The following UNC79 variants were observed in gnomAD, a reference collection of about 807,000 sequenced individuals.
UNC79 encodes the protein protein unc-79 homolog.
Under a neutral mutation model 283.1 loss-of-function variants are expected in UNC79, and 37 were observed. The observed-to-expected ratio is 0.13, with a 90% CI of 0.10 to 0.17. The LOEUF is 0.17. UNC79 is among the 10% of genes least tolerant of loss of function. The pLI is 1.00. For synonymous variants in UNC79, 1,107 were observed against 1,200.2 expected, an observed-to-expected ratio of 0.92 and a Z score of 1.61; for missense variants, 2,272 against 3,211.1, an observed-to-expected ratio of 0.71 and a Z score of 7.07.
In UNC79 at chr14:93,607,108, C is replaced by CCT. The variant is rs549004297; in HGVS notation, c.3754+3690_3754+3691insCT. ...TGCTACTACAATTTGTATGATTAGACGTAAGGAGTACTTTCACTGGTGCTG... is the reference window on the plus strand; with the variant it reads ...TGCTACTACAATTTGTATGATTAGACCTGTAAGGAGTACTTTCACTGGTGCTG... On this transcript the variant is annotated intron_variant, in intron 26 of 48. Transcript: ENST00000555664. 9.1e-4 allele frequency among the ~76,000 whole-genome samples: 138 copies of CCT among 152,132 alleles called. 1 individual carries two copies. Among genetic ancestry groups the CCT allele is most frequent in the African/African-American group, 3.1e-3 (130 of 41,500 alleles).
intron 23 of UNC79, among the ~76,000 whole-genome samples, chr14:93,595,113 G>A (rs1231114668): frequency 6.7e-6 from 1 of 150,192 alleles, no homozygotes. Flanking sequence ...GTTTTGAGAT[G>A]GAGTCTTGCT....
chr14:93,655,644 G>GAAA (rs59172906), intron 38 of UNC79, among the ~76,000 whole-genome samples: 21 of 81,730 alleles, frequency 2.6e-4, no homozygotes, highest in East Asian at 3.8e-4. Flanking sequence ...CAGTTGATTT[G>GAAA]AAAAAAAAAA....
chr14:93,354,690 C>T (rs1446042070), intron 1 of UNC79, among the ~76,000 whole-genome samples: 1 of 152,048 alleles, frequency 6.6e-6, no homozygotes, highest in Non-Finnish European at 1.5e-5. Context: ...TTTGTAGGGA[C>T]GGGGTCTTGC....
chr14:93,524,905 C>G (rs2060477412), intron 8 of UNC79, among the ~76,000 whole-genome samples: 1 of 151,994 alleles, frequency 6.6e-6, no homozygotes, highest in Admixed American at 6.5e-5. Context: ...TTATAGATAG[C>G]CTGTAGAAAA....
chr14:93,360,164 A>G (rs2054190287), intron 1 of UNC79, among the ~76,000 whole-genome samples: 1 of 152,196 alleles, frequency 6.6e-6, no homozygotes, highest in Non-Finnish European at 1.5e-5. Context: ...TAACATACTT[A>G]GCAGCTTGCA....
At chr14:93,366,676 G>A (rs769727524) in intron 1 of UNC79, among the ~76,000 whole-genome samples, 19 of 151,414 alleles carry the variant, frequency 1.3e-4, no homozygotes, top group Non-Finnish European at 2.2e-4. Context: ...GGGTTCGAGC[G>A]ATTCTTGTGC....
downstream of UNC79, chr14:93,707,372 C>T (rs1372304585): frequency 2.0e-5 from 3 of 153,716 alleles, no homozygotes; most frequent in African/African-American, 7.2e-5. Context: ...TTGTCTTTAT[C>T]CTGGGAAAAG....
chr14:93,588,862 C>T (rs1045951911), intron 22 of UNC79, among the ~76,000 whole-genome samples: 1 of 150,754 alleles, frequency 6.6e-6, no homozygotes, highest in Non-Finnish European at 1.5e-5. Context: ...GGAGAGTGTG[C>T]GATCAAGAAC....
chr14:93,699,317 T>C (rs948644650), intron 47 of UNC79, among the ~76,000 whole-genome samples: 3 of 152,192 alleles, frequency 2.0e-5, no homozygotes, highest in East Asian at 3.8e-4. Flanking sequence ...AAATTTTGGA[T>C]ATAATTTCCT....
intron 38 of UNC79, among the ~76,000 whole-genome samples, 194 bp downstream of exon 41, chr14:93,655,601 A>G (rs2070832489): frequency 6.7e-6 from 1 of 148,228 alleles, no homozygotes; most frequent in African/African-American, 2.5e-5. Flanking sequence ...TGGAGTGAGC[A>G]TTTTGCTCAC....
intron 7 of UNC79, among the ~76,000 whole-genome samples, chr14:93,499,871 G>A (rs73345845): frequency 6.6e-6 from 1 of 152,028 alleles, no homozygotes; most frequent in East Asian, 1.9e-4. Context: ...TGTCAGAAAC[G>A]GGTGAGGCAT....
chr14:93,644,377 T>C (rs2069366105), intron 34 of UNC79, among the ~76,000 whole-genome samples: 3 of 152,328 alleles, frequency 2.0e-5, no homozygotes, highest in Admixed American at 6.5e-5. Context: ...GCACAACTTA[T>C]AGGAGAGGGT....
chr14:93,611,034 CT>C (rs2066265225), intron 26 of UNC79, among the ~76,000 whole-genome samples: 1 of 152,184 alleles, frequency 6.6e-6, no homozygotes, highest in African/African-American at 2.4e-5. Context: ...TGCTGTGATG[CT>C]TCACCTTTCT....
At chr14:93,390,762 A>G (rs1157086295) in intron 1 of UNC79, among the ~76,000 whole-genome samples, 2 of 152,200 alleles carry the variant, frequency 1.3e-5, no homozygotes, top group South Asian at 2.1e-4. Flanking sequence ...AAGATATACT[A>G]TACTTCTATG....
At chr14:93,594,545 C>A (rs1047476569) in intron 23 of UNC79, among the ~76,000 whole-genome samples, 1 of 152,206 alleles carries the variant, frequency 6.6e-6, no homozygotes, top group Non-Finnish European at 1.5e-5. Context: ...GTTGGGATTA[C>A]AGGCATGAGC....
At chr14:93,429,808 G>A (rs1313633519), upstream of UNC79, among the ~76,000 whole-genome samples, 1 of 152,174 alleles carries the variant, frequency 6.6e-6, no homozygotes, top group East Asian at 1.9e-4. Context: ...GGATTGTGCC[G>A]TACTTTTAGT....
chr14:93,659,286 A>G, intron 39 of UNC79, 25 bp downstream of exon 42: 2 of 1,583,390 alleles, frequency 1.3e-6, no homozygotes, highest in East Asian at 2.2e-5. Flanking sequence ...GAAAAACATA[A>G]CCAATTGGTT....
At chr14:93,348,139 C>G in intron 1 of UNC79, 1 of 1,466,868 alleles carries the variant, frequency 6.8e-7, no homozygotes, top group South Asian at 1.1e-5. Flanking sequence ...TGATGTTGAA[C>G]AGCTGTTAAC....
chr14:93,672,136 A>C (rs1341619392), intron 40 of UNC79, among the ~76,000 whole-genome samples: 2 of 152,202 alleles, frequency 1.3e-5, no homozygotes, highest in African/African-American at 4.8e-5. Context: ...TATTTCTCAA[A>C]AGACTAAAAA....
Sources: allele counts gnomAD v4.1 joint callset (sites outside exome capture counted in the v4.1 genomes callset), GRCh38; gene constraint gnomAD v4.1.1; transcripts MANE v1.5; gene names NCBI Gene and HGNC (gene_info 2026-07-23, HGNC 2026-07-21).